The following DPP10 variants were observed in gnomAD, a reference collection of about 807,000 sequenced individuals.
DPP10 encodes the protein dipeptidyl peptidase like 10.
Under a neutral mutation model 120.9 loss-of-function variants are expected in DPP10, and 33 were observed. That is an observed-to-expected ratio of 0.27 (90% confidence interval 0.21 to 0.37). The LOEUF (loss-of-function observed/expected upper bound fraction) is 0.37, where lower values mean the gene tolerates loss of function less well. DPP10 is among the 10% of genes least tolerant of loss of function. DPP10 has a pLI of 1.00. For synonymous variants in DPP10, 337 were observed against 326.1 expected (o/e 1.03, Z -0.36); for missense variants, 816 against 942.8 (o/e 0.87, Z 1.76).
At chr2:115,837,472 C>A (rs1343007325) in intron 24 of DPP10, among the ~76,000 whole-genome samples, 1 of 152,204 alleles carries the variant, frequency 6.6e-6, no homozygotes, top group Non-Finnish European at 1.5e-5. Flanking sequence ...CCAAGGCCAT[C>A]TGGCAAGTGA....
At position 114,725,070 on chromosome 2, in the gene DPP10, T is replaced by A. The variant is rs528590541; in HGVS notation, c.60+282232T>A. 2.0e-5 allele frequency among the ~76,000 whole-genome samples: 3 copies of A among 152,300 alleles called. No homozygotes were observed. In the East Asian group the frequency reaches 5.8e-4, roughly 29 times the overall value. On this transcript the variant is annotated intron_variant, in intron 1 of 25. Transcript: ENST00000410059. ...CAAAAATTCCTGTCAAACAACTTCG[T>A]ATCAGCCCACTCTTTTTTTCCCTTT...
At position 115,845,040 on chromosome 2, in the gene DPP10, G is replaced by GA. The variant is rs1443680707; in HGVS notation, c.*2696dup. On this transcript the variant is annotated 3_prime_UTR_variant, in exon 26 of 26. Transcript: ENST00000410059. The stretch of plus-strand genomic sequence containing the variant: ...GTTTAGCATAAAAATCACTATTGGG[G>GA]ATCTTACAGATGTCTGTTGTAGATC... 1 of 152,112 alleles carries GA rather than the reference G, an allele frequency of 6.6e-6. No individual in the cohort carries two copies. The highest frequency in any genetic ancestry group is 1.5e-5 in the Non-Finnish European group (1 of 68,022). The allele number at this position is 152,112 out of a possible 1,614,324, so 9.4% of individuals were successfully genotyped here.
chr2:115,007,079 C>G (rs1429959040), intron 1 of DPP10, among the ~76,000 whole-genome samples: 12 of 152,134 alleles, frequency 7.9e-5, no homozygotes, highest in Non-Finnish European at 1.6e-4. Context: ...CAAAACTTCT[C>G]AACTACATGG....
intron 7 of DPP10, among the ~76,000 whole-genome samples, chr2:115,691,708 C>G (rs770051442): frequency 2.0e-5 from 3 of 152,072 alleles, no homozygotes; most frequent in Non-Finnish European, 4.4e-5. Context: ...GTTACATGCC[C>G]ATTTTCAGAA....
At chr2:115,219,202 AGGT>A (rs2057002077) in intron 1 of DPP10, among the ~76,000 whole-genome samples, 2 of 152,296 alleles carry the variant, frequency 1.3e-5, no homozygotes, top group East Asian at 3.9e-4. Context: ...CTCATAACAT[AGGT>A]CTGCATTGAC....
chr2:115,304,709 A>T (rs1307458547), intron 1 of DPP10, among the ~76,000 whole-genome samples: 2 of 152,114 alleles, frequency 1.3e-5, no homozygotes, highest in Admixed American at 6.6e-5. Context: ...AAATTTTGGT[A>T]TCCTTTACTT....
chr2:115,364,889 G>A (rs13396410), intron 3 of DPP10, among the ~76,000 whole-genome samples: 1 of 152,022 alleles, frequency 6.6e-6, no homozygotes, highest in South Asian at 2.1e-4. Flanking sequence ...TGAAATTTTA[G>A]ATGAAATATA....
intron 1 of DPP10, among the ~76,000 whole-genome samples, chr2:114,900,950 C>G (rs367875838): frequency 6.6e-6 from 1 of 152,010 alleles, no homozygotes; most frequent in East Asian, 1.9e-4. Context: ...CTCAGACTAA[C>G]TTATTAAAAC....
intron 5 of DPP10, among the ~76,000 whole-genome samples, chr2:115,592,878 C>G (rs1334849696): frequency 6.6e-6 from 1 of 152,112 alleles, no homozygotes; most frequent in Non-Finnish European, 1.5e-5. Flanking sequence ...TTTGCAAGGC[C>G]ACTTCTGTTT....
chr2:115,197,253 G>A (rs182281014), intron 1 of DPP10, among the ~76,000 whole-genome samples: 128 of 152,090 alleles, frequency 8.4e-4, no homozygotes, highest in African/African-American at 2.8e-3. Flanking sequence ...TTAGCCGGGC[G>A]TGGTGGTGCA....
chr2:114,679,131 T>G (rs1456901824), intron 1 of DPP10, among the ~76,000 whole-genome samples: 3 of 152,056 alleles, frequency 2.0e-5, no homozygotes, highest in Non-Finnish European at 4.4e-5. Context: ...TTCATGAAAC[T>G]CTAATGCATG....
intron 3 of DPP10, among the ~76,000 whole-genome samples, chr2:115,494,981 A>G (rs1254525752): frequency 6.6e-6 from 1 of 152,168 alleles, no homozygotes; most frequent in Non-Finnish European, 1.5e-5. Context: ...ACAGAAACCA[A>G]TATGGTGACT....
intron 5 of DPP10, among the ~76,000 whole-genome samples, chr2:115,549,606 C>T (rs1024758639): frequency 6.6e-6 from 1 of 152,106 alleles, no homozygotes; most frequent in African/African-American, 2.4e-5. Flanking sequence ...TCTTTATTCA[C>T]CGGGATTGCT....
chr2:115,252,286 G>T (rs2058789556), intron 1 of DPP10, among the ~76,000 whole-genome samples: 1 of 152,112 alleles, frequency 6.6e-6, no homozygotes, highest in Non-Finnish European at 1.5e-5. Flanking sequence ...TAAGTACAGA[G>T]AACTCATCCC....
intron 1 of DPP10, among the ~76,000 whole-genome samples, chr2:114,591,552 C>CTTTTTTTTTTTT (rs1388048473): frequency 3.9e-5 from 5 of 128,512 alleles, no homozygotes; most frequent in African/African-American, 1.6e-4. Context: ...CAACCTCTTC[C>CTTTTTTTTTTTT]TATTTTTTTT....
rs184268449 is a variant in DPP10, at chr2:114,757,994, G to T, written c.60+315156G>T. ...TCACACAACGAAGTTGAATAAGCTG[G>T]TCTTGCAAGTGTGAGCCTCCCTCTA... On this transcript the variant is annotated intron_variant, in intron 1 of 25. Transcript: ENST00000410059. Among the ~76,000 whole-genome samples, 3 of 152,188 alleles carry T rather than the reference G, an allele frequency of 2.0e-5. No homozygotes were observed. The East Asian group carries it at 5.8e-4, about 29-fold the overall frequency.
chr2:115,351,284 A>G (rs1559469045), intron 3 of DPP10, among the ~76,000 whole-genome samples: 1 of 152,100 alleles, frequency 6.6e-6, no homozygotes, highest in Non-Finnish European at 1.5e-5. Flanking sequence ...AAAGCTAAAT[A>G]TCACACATTC....
intron 1 of DPP10, among the ~76,000 whole-genome samples, chr2:114,880,988 T>C (rs1691555388): frequency 6.6e-6 from 1 of 152,134 alleles, no homozygotes; most frequent in African/African-American, 2.4e-5. Flanking sequence ...CTTGCTTATC[T>C]TTCTGATGCC....
At chr2:114,491,327 G>C (rs866017727) in intron 1 of DPP10, among the ~76,000 whole-genome samples, 1 of 152,080 alleles carries the variant, frequency 6.6e-6, no homozygotes. Flanking sequence ...ATTATTAATG[G>C]ATTTATATTA....
Sources: gnomAD v4.1 joint callset for allele counts (sites outside exome capture counted in the v4.1 genomes callset) on GRCh38, gnomAD v4.1.1 for gene constraint, MANE v1.5 for transcripts, NCBI Gene and HGNC (gene_info 2026-07-23, HGNC 2026-07-21) for gene names.